Variants in GPBP1 observed in about 807,000 individuals in gnomAD.
GPBP1 encodes vasculin.
GPBP1 carries 13 observed loss-of-function variants against 56.5 expected under a neutral mutation model. That is an observed-to-expected ratio of 0.23 (90% CI 0.15 to 0.37). GPBP1 has a LOEUF of 0.37. GPBP1 is among the 10% of genes least tolerant of loss of function. The pLI is 1.00. For missense variants in GPBP1, 477 were observed against 572.3 expected (o/e 0.83, Z 1.70); for synonymous variants, 204 against 188.9 (o/e 1.08, Z -0.66).
At chr5:57,239,947 A>G (rs1419876313) in intron 6 of GPBP1, among the ~76,000 whole-genome samples, 3 of 151,996 alleles carry the variant, frequency 2.0e-5, no homozygotes, top group Non-Finnish European at 4.4e-5. Context: ...TGTCTTAGTG[A>G]TAAGTTTTCT....
At chr5:57,229,160 GGT>G (rs1254685656) in intron 3 of GPBP1, among the ~76,000 whole-genome samples, 1 of 147,052 alleles carries the variant, frequency 6.8e-6, no homozygotes, top group Non-Finnish European at 1.5e-5. Flanking sequence ...GAACCCAGGA[GGT>G]GAAGGTTGCA....
chr5:57,232,671 A>G (rs1034421649), intron 5 of GPBP1, among the ~76,000 whole-genome samples: 1 of 152,252 alleles, frequency 6.6e-6, no homozygotes. Flanking sequence ...TGTTCCAGCC[A>G]ATAGAAACTG....
chr5:57,175,662 T>C lies in GPBP1; in HGVS notation c.-796T>C. The C allele has an allele frequency of 2.5e-6, 1 of 396,564 alleles. No individual in the cohort carries two copies. Among genetic ancestry groups the C allele is most frequent in the African/African-American group, 2.1e-5 (1 of 48,742 alleles). 24.6% of individuals were successfully genotyped at this position (396,564 alleles called of 1,614,324 possible). ...AGACCCAGGCAGCATTTCTTCAGTA[T>C]TTTGGTTCAAACGGATTATATAACT... On this transcript the variant is annotated 5_prime_UTR_variant, in exon 2 of 12. Transcript: ENST00000506184.
intron 11 of GPBP1, 80 bp downstream of exon 11, chr5:57,261,362 G>A (rs1393403048): frequency 3.8e-6 from 3 of 790,072 alleles, no homozygotes; most frequent in African/African-American, 3.5e-5. Context: ...AGCATGGAGT[G>A]GGGGAGATTT....
chr5:57,199,865 A>G (rs1754920555), intron 2 of GPBP1, among the ~76,000 whole-genome samples: 1 of 151,618 alleles, frequency 6.6e-6, no homozygotes, highest in African/African-American at 2.4e-5. Context: ...GGAATATATT[A>G]AGTGGTGTTT....
intron 2 of GPBP1, among the ~76,000 whole-genome samples, chr5:57,178,169 G>A (rs1185009914): frequency 6.6e-6 from 1 of 152,096 alleles, no homozygotes; most frequent in African/African-American, 2.4e-5. Flanking sequence ...TTAACAATAT[G>A]CATCTTAAAT....
chr5:57,210,529 T>C (rs539305827), intron 2 of GPBP1, among the ~76,000 whole-genome samples: 16 of 152,218 alleles, frequency 1.1e-4, no homozygotes, highest in Non-Finnish European at 2.1e-4. Context: ...GTAGGACTGT[T>C]GATTTGCCTT....
chr5:57,195,998 A>G (rs1258608757), intron 2 of GPBP1, among the ~76,000 whole-genome samples: 16 of 150,064 alleles, frequency 1.1e-4, no homozygotes. Flanking sequence ...AAAAAAAAAA[A>G]AAAAAAAATT....
At position 57,256,906 on chromosome 5, in the gene GPBP1, T is replaced by C. The variant is rs147873941; in HGVS notation, c.1161-4274T>C. Among the ~76,000 whole-genome samples, 435 of 152,362 alleles carry C rather than the reference T, an allele frequency of 2.9e-3. 2 individuals are homozygous for C. The highest frequency in any genetic ancestry group is 1.0e-2 in the African/African-American group (415 of 41,596). Reference sequence around the variant, plus strand: ...TTTAGATTTTAGGGGTTTTTTTCCCTGTCAAAATGGAATGTTACTTCTTTT... The same window carrying C: ...TTTAGATTTTAGGGGTTTTTTTCCCCGTCAAAATGGAATGTTACTTCTTTT... On this transcript the variant is annotated intron_variant, in intron 10 of 11. Coordinates refer to ENST00000506184, the MANE Select transcript of GPBP1 (RefSeq NM_022913.4).
chr5:57,203,901 A>T (rs1216447705), intron 2 of GPBP1, among the ~76,000 whole-genome samples: 1 of 152,222 alleles, frequency 6.6e-6, no homozygotes, highest in African/African-American at 2.4e-5. Flanking sequence ...CATCTAAAAA[A>T]TAGGGAAGCA....
At chr5:57,250,533 C>T (rs1466602499) in intron 9 of GPBP1, among the ~76,000 whole-genome samples, 2 of 147,478 alleles carry the variant, frequency 1.4e-5, no homozygotes, top group Admixed American at 6.7e-5. Context: ...ATAAGTATTA[C>T]GTTTATGGTT....
At chr5:57,196,354 A>AC (rs1422243406) in intron 2 of GPBP1, among the ~76,000 whole-genome samples, 1 of 151,682 alleles carries the variant, frequency 6.6e-6, no homozygotes, top group African/African-American at 2.4e-5. Context: ...GAGTTTCAAC[A>AC]CCAAGTAACC....
chr5:57,227,774 C>A (rs1756262106), intron 3 of GPBP1, among the ~76,000 whole-genome samples: 1 of 152,184 alleles, frequency 6.6e-6, no homozygotes, highest in South Asian at 2.1e-4. Context: ...TGTCTTTTGC[C>A]AGCATCCATG....
At chr5:57,246,978 C>A in intron 7 of GPBP1, 97 bp from the exon 8 acceptor site, 1 of 999,216 alleles carries the variant, frequency 1.0e-6, no homozygotes, top group Non-Finnish European at 1.5e-6. Context: ...TTCCATGAGC[C>A]TAGCGTAGTC....
chr5:57,208,813 T>C (rs1755352750), intron 2 of GPBP1, among the ~76,000 whole-genome samples: 1 of 151,896 alleles, frequency 6.6e-6, no homozygotes, highest in Non-Finnish European at 1.5e-5. Context: ...CCTGCCTCCA[T>C]GCCCAGCTAA....
chr5:57,186,730 G>T (rs1754303152), intron 2 of GPBP1, among the ~76,000 whole-genome samples: 1 of 152,044 alleles, frequency 6.6e-6, no homozygotes, highest in African/African-American at 2.4e-5. Flanking sequence ...ACCACACCTG[G>T]CTGATTTTTA....
intron 10 of GPBP1, among the ~76,000 whole-genome samples, chr5:57,257,929 C>G (rs182817619): frequency 1.3e-5 from 2 of 152,262 alleles, no homozygotes; most frequent in East Asian, 3.9e-4. Flanking sequence ...GCAATTTACT[C>G]ACTGAAGTTA....
rs1392147374 is a variant in GPBP1, at chr5:57,264,358, A to G, written c.*1606A>G. 1.3e-5 allele frequency: 2 copies of G among 152,124 alleles called. No homozygotes were observed. Among genetic ancestry groups the G allele is most frequent in the Non-Finnish European group, 2.9e-5 (2 of 67,938 alleles). The allele number at this position is 152,124 out of a possible 1,614,324, so 9.4% of individuals were successfully genotyped here. On this transcript the variant is annotated 3_prime_UTR_variant, in exon 12 of 12. Coordinates refer to ENST00000506184, the MANE Select transcript of GPBP1 (RefSeq NM_022913.4). Reference sequence around the variant, plus strand: ...GCTTTGACGAAGCTATCGGTAACACATATTGAATGTCTTTGAGACTCTTAG... The same window carrying G: ...GCTTTGACGAAGCTATCGGTAACACGTATTGAATGTCTTTGAGACTCTTAG...
chr5:57,181,933 A>G (rs532573360), intron 2 of GPBP1, among the ~76,000 whole-genome samples: 18 of 152,318 alleles, frequency 1.2e-4, no homozygotes, highest in East Asian at 1.9e-4. Context: ...CACAATAGTT[A>G]ACAGATTTGC....
Sources: allele counts gnomAD v4.1 joint callset (sites outside exome capture counted in the v4.1 genomes callset), GRCh38; gene constraint gnomAD v4.1.1; transcripts MANE v1.5; gene names NCBI Gene and HGNC (gene_info 2026-07-23, HGNC 2026-07-21).